The following AGPAT4 variants were observed in gnomAD, a reference collection of about 807,000 sequenced individuals.
AGPAT4 encodes 1-acylglycerol-3-phosphate O-acyltransferase 4, also known as 1-acyl-sn-glycerol-3-phosphate acyltransferase delta.
AGPAT4 carries 15 observed loss-of-function variants against 48.0 expected under a neutral mutation model. The ratio of observed to expected loss-of-function variants is 0.31; its 90% CI spans 0.21 to 0.48. The LOEUF (loss-of-function observed/expected upper bound fraction) is 0.48, where lower values mean the gene tolerates loss of function less well. AGPAT4 is among the 20% of genes least tolerant of loss of function. AGPAT4 has a pLI of 0.99. For missense variants in AGPAT4, 314 were observed against 482.5 expected (o/e 0.65, Z 3.27); for synonymous variants, 178 against 198.7 (o/e 0.90, Z 0.88).
In AGPAT4 at chr6:161,131,236, G is replaced by A. The variant is rs1368659141; in HGVS notation, c.*5304C>T. The A allele has an allele frequency of 4.8e-6, 1 of 210,452 alleles. No homozygotes were observed. The highest frequency in any genetic ancestry group is 9.9e-6 in the Non-Finnish European group (1 of 100,916). The allele number at this position is 210,452 out of a possible 1,614,324, so 13.0% of individuals were successfully genotyped here. Reference sequence around the variant, plus strand: ...AACACAGCCCTGGGTGCTATTTCCAGATACTGAAAAGATCTAAGTAGGTGC... The same window carrying A: ...AACACAGCCCTGGGTGCTATTTCCAAATACTGAAAAGATCTAAGTAGGTGC... On this transcript the variant is annotated 3_prime_UTR_variant, in exon 9 of 9. Transcript: ENST00000320285.
Position 161,197,916 on chromosome 6 carries a change from A to C in AGPAT4, c.179-31499T>G, listed in dbSNP as rs951894785. ...ACTGTCAATAGCAATGAAAAGCTAC[A>C]CGTAGGGTTTACCCAGACAATTCGG... On this transcript the variant is annotated intron_variant, in intron 2 of 8. Transcript: ENST00000320285. This position sits in a 1 kb window ranked among gnomAD's most constrained non-coding sequence, Gnocchi z 5.7. Among the ~76,000 whole-genome samples, 5 of 152,194 alleles carry C rather than the reference A, an allele frequency of 3.3e-5. No homozygotes were observed. The highest frequency in any genetic ancestry group is 7.3e-5 in the Non-Finnish European group (5 of 68,028).
rs138050145 is a variant in AGPAT4, at chr6:161,261,340, T to G, written c.-90+12598A>C. On this transcript the variant is annotated intron_variant, in intron 1 of 8. Coordinates refer to ENST00000320285, the MANE Select transcript of AGPAT4 (RefSeq NM_020133.3). The surrounding 1 kb of genome is among the most constrained non-coding windows in gnomAD (Gnocchi z 5.3). ...CCACATGACGTTGACAAGTGCTATTTCCCTTCGTGTGTATATCTGCCATCC... is the reference window on the plus strand; with the variant it reads ...CCACATGACGTTGACAAGTGCTATTGCCCTTCGTGTGTATATCTGCCATCC... Among the ~76,000 whole-genome samples, 3 of 152,302 alleles carry G rather than the reference T, an allele frequency of 2.0e-5. No individual in the cohort carries two copies. In the East Asian group the frequency reaches 5.8e-4, roughly 29 times the overall value.
chr6:161,203,377 C>CTTTCTT (rs1288840987), intron 2 of AGPAT4, among the ~76,000 whole-genome samples: 2 of 77,610 alleles, frequency 2.6e-5, no homozygotes, highest in African/African-American at 1.3e-4. Context: ...TGTTCTTTTT[C>CTTTCTT]TTTCTTTTTT....
rs569521960 is a variant in AGPAT4, at chr6:161,200,375, C to T, written c.178+31661G>A. Among the ~76,000 whole-genome samples, 15 of 152,312 alleles carry T rather than the reference C, an allele frequency of 9.8e-5. No individual in the cohort carries two copies. Among genetic ancestry groups the T allele is most frequent in the East Asian group, 5.8e-4 (3 of 5,180 alleles). ...GGGATGCACAGTAAATGATGGAGTGCGCTGTCTGAATTCAGAGAGTTTTAT... is the reference window on the plus strand; with the variant it reads ...GGGATGCACAGTAAATGATGGAGTGTGCTGTCTGAATTCAGAGAGTTTTAT... On this transcript the variant is annotated intron_variant, in intron 2 of 8. Coordinates refer to ENST00000320285, the MANE Select transcript of AGPAT4 (RefSeq NM_020133.3). This position sits in a 1 kb window ranked among gnomAD's most constrained non-coding sequence, Gnocchi z 5.5.
rs1406504123 is a variant in AGPAT4 at position 161,197,742 on chromosome 6, AG to A, written c.179-31326del. ...AGCCTGGGAAGGAGACCACTGGCCT[AG>A]CCCCAGGGAGGTCACCCACAGAGGG... On this transcript the variant is annotated intron_variant, in intron 2 of 8. Coordinates refer to ENST00000320285, the MANE Select transcript of AGPAT4 (RefSeq NM_020133.3). The surrounding 1 kb of genome is among the most constrained non-coding windows in gnomAD (Gnocchi z 5.7). Among the ~76,000 whole-genome samples the A allele has an allele frequency of 1.8e-4, 28 of 152,336 alleles. No homozygotes were observed. Among genetic ancestry groups the A allele is most frequent in the South Asian group, 4.1e-4 (2 of 4,824 alleles).
intron 2 of AGPAT4, among the ~76,000 whole-genome samples, chr6:161,205,403 T>C (rs1452692112): frequency 1.3e-5 from 2 of 152,138 alleles, no homozygotes; most frequent in Admixed American, 6.5e-5. Context: ...CCTGCACTGA[T>C]GCTGAACGAT....
chr6:161,191,484 C>A (rs1342081081), intron 2 of AGPAT4, among the ~76,000 whole-genome samples: 1 of 152,120 alleles, frequency 6.6e-6, no homozygotes, highest in Non-Finnish European at 1.5e-5. Context: ...CACCATGGCC[C>A]TAAAATTAGA....
intron 2 of AGPAT4, among the ~76,000 whole-genome samples, chr6:161,172,912 C>T (rs1328672763): frequency 2.0e-5 from 3 of 151,740 alleles, no homozygotes; most frequent in Non-Finnish European, 4.4e-5. Flanking sequence ...TCTGTCCTTG[C>T]AATAGTTTGC....
chr6:161,188,181 G>A (rs978639431), intron 2 of AGPAT4, among the ~76,000 whole-genome samples: 1 of 152,228 alleles, frequency 6.6e-6, no homozygotes, highest in African/African-American at 2.4e-5. Context: ...AGGCAGAAAT[G>A]TGGAAGGGAC....
At position 161,201,272 on chromosome 6, in the gene AGPAT4, C is replaced by T. The variant is rs557304553; in HGVS notation, c.178+30764G>A. ...TTAAGAAGCCATTAATGAAAAATGA[C>T]AATTTTCTCTGGGACTGGATTAATG... On this transcript the variant is annotated intron_variant, in intron 2 of 8. Transcript: ENST00000320285. The surrounding 1 kb of genome is among the most constrained non-coding windows in gnomAD (Gnocchi z 6.0). Among the ~76,000 whole-genome samples the T allele has an allele frequency of 4.9e-4, 74 of 152,178 alleles. No homozygotes were observed. Among genetic ancestry groups the T allele is most frequent in the Admixed American group, 1.5e-3 (23 of 15,288 alleles).
rs186592264 is a variant in AGPAT4 at position 161,270,437 on chromosome 6, C to T, written c.-90+3501G>A. Reference sequence around the variant, plus strand: ...ATTTCAAAATAGGAGTGATGAAAGGCGTTTCACCAAAGATTTAGAGGTCAA... The same window carrying T: ...ATTTCAAAATAGGAGTGATGAAAGGTGTTTCACCAAAGATTTAGAGGTCAA... On this transcript the variant is annotated intron_variant, in intron 1 of 8. Coordinates refer to ENST00000320285, the MANE Select transcript of AGPAT4 (RefSeq NM_020133.3). This position sits in a 1 kb window ranked among gnomAD's most constrained non-coding sequence, Gnocchi z 5.3. Among the ~76,000 whole-genome samples, 419 of 152,186 alleles carry T rather than the reference C, an allele frequency of 2.8e-3. 3 individuals are homozygous for T. Among genetic ancestry groups the T allele is most frequent in the African/African-American group, 9.3e-3 (385 of 41,506 alleles).
chr6:161,170,471 GCGCACACACA>G (rs1420482544), intron 2 of AGPAT4, among the ~76,000 whole-genome samples: 2,769 of 113,796 alleles, frequency 0.024, 71 homozygotes, highest in African/African-American at 0.089. Flanking sequence ...ACGTGCGCGC[GCGCACACACA>G]CACACACACA....
intron 2 of AGPAT4, among the ~76,000 whole-genome samples, chr6:161,193,935 G>A (rs1780992956): frequency 6.6e-6 from 1 of 152,208 alleles, no homozygotes; most frequent in South Asian, 2.1e-4. Flanking sequence ...ATTGAAAATG[G>A]AAGTCAGTTC....
At chr6:161,151,922 C>G (rs1370583711) in intron 5 of AGPAT4, among the ~76,000 whole-genome samples, 1 of 152,200 alleles carries the variant, frequency 6.6e-6, no homozygotes, top group Non-Finnish European at 1.5e-5. Flanking sequence ...ATAATTCTGG[C>G]CCTTGGGCTG....
At chr6:161,186,136 C>A (rs1259663347) in intron 2 of AGPAT4, among the ~76,000 whole-genome samples, 2 of 152,116 alleles carry the variant, frequency 1.3e-5, no homozygotes, top group African/African-American at 4.8e-5. Context: ...ACCTTCCAGC[C>A]CCCCACTTCT....
At position 161,263,112 on chromosome 6, in the gene AGPAT4, G is replaced by A. The variant is rs1050020571; in HGVS notation, c.-90+10826C>T. Among the ~76,000 whole-genome samples, 14 of 29,664 alleles carry A rather than the reference G, an allele frequency of 4.7e-4. 1 individual carries two copies. The highest frequency in any genetic ancestry group is 2.6e-3 in the East Asian group (3 of 1,162). The allele number at this position is 29,664 out of a possible 152,430, so 19.5% of individuals were successfully genotyped here. A position where few individuals can be genotyped will look rare whatever the true frequency, so the allele number is the denominator to read the frequency against. ...AGACATATTCTCGGCGGCGGTGGGC[G>A]GGGTGTTTCTCACACCTGCCTGCCC... On this transcript the variant is annotated intron_variant, in intron 1 of 8. Coordinates refer to ENST00000320285, the MANE Select transcript of AGPAT4 (RefSeq NM_020133.3).
Position 161,240,294 on chromosome 6 carries a change from C to T in AGPAT4, c.-89-7992G>A, listed in dbSNP as rs1782449850. On this transcript the variant is annotated intron_variant, in intron 1 of 8. Coordinates refer to ENST00000320285, the MANE Select transcript of AGPAT4 (RefSeq NM_020133.3). The surrounding 1 kb of genome is among the most constrained non-coding windows in gnomAD (Gnocchi z 5.5). ...TAAACAAGTCTGTCCACCTGGAAGC[C>T]TGGGCTGGGTTCAAGACTACAGCTT... 2.6e-5 allele frequency among the ~76,000 whole-genome samples: 4 copies of T among 151,556 alleles called. No homozygotes were observed. Among genetic ancestry groups the T allele is most frequent in the Admixed American group, 2.6e-4 (4 of 15,196 alleles).
rs1782889936 is a variant in AGPAT4, at chr6:161,254,492, G to A, written c.-90+19446C>T. ...TATACGTTTAGAGGCAACTCGTTCAGCGAATATTTATAGAGCCTCTACCGC... is the reference window on the plus strand; with the variant it reads ...TATACGTTTAGAGGCAACTCGTTCAACGAATATTTATAGAGCCTCTACCGC... On this transcript the variant is annotated intron_variant, in intron 1 of 8. Transcript: ENST00000320285. This position sits in a 1 kb window ranked among gnomAD's most constrained non-coding sequence, Gnocchi z 5.9. Among the ~76,000 whole-genome samples the A allele has an allele frequency of 6.6e-6, 1 of 152,202 alleles. No individual in the cohort carries two copies. Among genetic ancestry groups the A allele is most frequent in the South Asian group, 2.1e-4 (1 of 4,834 alleles).
intron 2 of AGPAT4, among the ~76,000 whole-genome samples, chr6:161,203,846 C>T (rs1781309960): frequency 1.3e-5 from 2 of 152,168 alleles, no homozygotes; most frequent in African/African-American, 4.8e-5. Context: ...TTTCTCCACC[C>T]CTTGTAGAGT....
Sources: gnomAD v4.1 joint callset for allele counts (sites outside exome capture counted in the v4.1 genomes callset) on GRCh38, gnomAD v4.1.1 for gene constraint, Gnocchi (gnomAD v3.1) non-coding constraint, MANE v1.5 for transcripts, NCBI Gene and HGNC (gene_info 2026-07-23, HGNC 2026-07-21) for gene names.